PGS1: variants seen among roughly 807,000 people sequenced by gnomAD.
PGS1 encodes the protein phosphatidylglycerophosphate synthase 1.
Under a neutral mutation model 58.3 loss-of-function variants are expected in PGS1, and 44 were observed. That is an observed-to-expected ratio of 0.75 (90% CI 0.59 to 0.97). The LOEUF is 0.97. Ranked by LOEUF, PGS1 falls within the 50% of genes least tolerant of loss-of-function variation. The pLI, the probability that PGS1 is intolerant of heterozygous loss-of-function variation, is 0.00. For synonymous variants in PGS1, 330 were observed against 311.0 expected, an observed-to-expected ratio of 1.06 and a Z score of -0.64; for missense variants, 684 against 731.1, an observed-to-expected ratio of 0.94 and a Z score of 0.74.
intron 1 of PGS1, among the ~76,000 whole-genome samples, chr17:78,387,888 G>A (rs530990986): frequency 5.6e-4 from 86 of 152,258 alleles, no homozygotes; most frequent in Non-Finnish European, 1.3e-4. Flanking sequence ...ACATGCTACC[G>A]TGCCTGGCCA....
intron 1 of PGS1, among the ~76,000 whole-genome samples, chr17:78,387,291 A>G (rs111956193): frequency 0.011 from 1,665 of 149,854 alleles, 5 homozygotes; most frequent in Non-Finnish European, 0.016. Context: ...GGTGAGAGCC[A>G]CTGCGCCCAG....
At chr17:78,422,156 G>C (rs1045486461) in intron 9 of PGS1, among the ~76,000 whole-genome samples, 2 of 152,264 alleles carry the variant, frequency 1.3e-5, no homozygotes, top group African/African-American at 2.4e-5. Context: ...TGAGTTGCCC[G>C]GTGGCCCCTG....
At chr17:78,403,024 T>C (rs1317507140) in intron 6 of PGS1, among the ~76,000 whole-genome samples, 1 of 152,218 alleles carries the variant, frequency 6.6e-6, no homozygotes, top group Non-Finnish European at 1.5e-5. Context: ...TCCCACATGG[T>C]GATGTGCTTA....
At chr17:78,408,413 G>A (rs1328688440) in intron 7 of PGS1, among the ~76,000 whole-genome samples, 1 of 152,186 alleles carries the variant, frequency 6.6e-6, no homozygotes, top group African/African-American at 2.4e-5. Context: ...CTGTGCAGTC[G>A]GGGGGATGGC....
chr17:78,400,985 T>A lies in PGS1; in HGVS notation c.880+130T>A. The A allele has an allele frequency of 1.3e-6, 1 of 758,824 alleles. No homozygotes were observed. The highest frequency in any genetic ancestry group is 2.1e-6 in the Non-Finnish European group (1 of 479,628). The allele number at this position is 758,824 out of a possible 1,614,324, so 47.0% of individuals were successfully genotyped here. A position where few individuals can be genotyped will look rare whatever the true frequency, so the allele number is the denominator to read the frequency against. ...GTGGCAAGGCTTCATTCTGCTTTTG[T>A]CCTTGAAGCCAGACAGATGTGACTC... On this transcript the variant is annotated intron_variant, in intron 6 of 9. Coordinates refer to ENST00000262764, the MANE Select transcript of PGS1 (RefSeq NM_024419.5). This position sits in a 1 kb window ranked among gnomAD's most constrained non-coding sequence, Gnocchi z 4.4.
chr17:78,405,941 C>T (rs1225949564), intron 7 of PGS1, among the ~76,000 whole-genome samples: 2 of 152,214 alleles, frequency 1.3e-5, no homozygotes, highest in South Asian at 2.1e-4. Flanking sequence ...AGACTCGAGG[C>T]ATCTTCCGGT....
Position 78,378,686 on chromosome 17 carries a change from T to A in PGS1, c.21T>A (p.Ala7=). Residue 7 remains alanine, a synonymous_variant, in exon 1 of 10, where the codon GCT becomes GCA. Coordinates refer to ENST00000262764, the MANE Select transcript of PGS1 (RefSeq NM_024419.5). MAVAAA[A]AAGPVFWRRL... is the part of the protein sequence containing the mutation. ...TCTCCATGGCGGTGGCGGCGGCAGC[T>A]GCGGCGGGACCCGTGTTCTGGAGGC... 1.3e-6 allele frequency: 2 copies of A among 1,527,204 alleles called. No homozygotes were observed. The highest frequency in any genetic ancestry group is 1.7e-6 in the Non-Finnish European group (2 of 1,143,990). 94.6% of individuals were successfully genotyped at this position (1,527,204 alleles called of 1,614,324 possible). A position where few individuals can be genotyped will look rare whatever the true frequency, so the allele number is the denominator to read the frequency against.
Position 78,404,100 on chromosome 17 carries a change from G to A in PGS1, c.1402+11G>A, listed in dbSNP as rs1257799262. 6.6e-7 allele frequency: 1 copy of A among 1,515,382 alleles called. No homozygotes were observed. The allele number at this position is 1,515,382 out of a possible 1,614,324, so 93.9% of individuals were successfully genotyped here. A position where few individuals can be genotyped will look rare whatever the true frequency, so the allele number is the denominator to read the frequency against. Reference sequence around the variant, plus strand: ...CGTTCCACGCCAAAGGTGCGCAGCGGCTGGCTGGAGGACGTTCCAGTGTGG... The same window carrying A: ...CGTTCCACGCCAAAGGTGCGCAGCGACTGGCTGGAGGACGTTCCAGTGTGG... On this transcript the variant is annotated intron_variant, in intron 7 of 9. Transcript: ENST00000262764.
chr17:78,416,122 G>C (rs1387031753), intron 8 of PGS1, among the ~76,000 whole-genome samples: 2 of 152,192 alleles, frequency 1.3e-5, no homozygotes, highest in Non-Finnish European at 2.9e-5. Flanking sequence ...TTGGTGCCAG[G>C]AAAGGCTTCA....
At chr17:78,397,593 C>CCCCT (rs769290422) in intron 3 of PGS1, among the ~76,000 whole-genome samples, 12 of 130,544 alleles carry the variant, frequency 9.2e-5, no homozygotes, top group African/African-American at 2.8e-4. Context: ...TGCGCCACCC[C>CCCCT]CCCAGCTAAT....
intron 7 of PGS1, among the ~76,000 whole-genome samples, chr17:78,413,230 G>C (rs981635057): frequency 6.6e-6 from 1 of 152,242 alleles, no homozygotes; most frequent in Non-Finnish European, 1.5e-5. Flanking sequence ...TCTTACCCAA[G>C]ATGTTCTTGG....
At chr17:78,383,009 G>T (rs763912771) in intron 1 of PGS1, among the ~76,000 whole-genome samples, 1 of 152,150 alleles carries the variant, frequency 6.6e-6, no homozygotes, top group Non-Finnish European at 1.5e-5. Context: ...GAAGGCATTA[G>T]TTCCTAATCT....
intron 1 of PGS1, among the ~76,000 whole-genome samples, chr17:78,383,005 A>G (rs1427240942): frequency 2.0e-5 from 3 of 152,208 alleles, no homozygotes; most frequent in Non-Finnish European, 4.4e-5. Flanking sequence ...TCATGAAGGC[A>G]TTAGTTCCTA....
chr17:78,390,516 C>T (rs138529392), intron 1 of PGS1, among the ~76,000 whole-genome samples: 4 of 152,156 alleles, frequency 2.6e-5, no homozygotes, highest in Non-Finnish European at 5.9e-5. Flanking sequence ...GGGACATTTA[C>T]GAAGCCTGGG....
chr17:78,419,755 A>G (rs2085525622), intron 9 of PGS1, 80 bp downstream of exon 9: 1 of 1,585,332 alleles, frequency 6.3e-7, no homozygotes, highest in Non-Finnish European at 8.6e-7. Flanking sequence ...TGACTCAACC[A>G]GAGCTTCCAG....
chr17:78,401,397 C>T (rs924391008), intron 6 of PGS1, among the ~76,000 whole-genome samples: 2 of 152,208 alleles, frequency 1.3e-5, no homozygotes, highest in African/African-American at 4.8e-5. Context: ...AGCTCTGTGG[C>T]CCCCTGCCTG....
chr17:78,385,057 G>A (rs1277447194), intron 1 of PGS1, among the ~76,000 whole-genome samples: 1 of 152,226 alleles, frequency 6.6e-6, no homozygotes, highest in Non-Finnish European at 1.5e-5. Context: ...GCTGCAGAAC[G>A]GTGAAGTGGA....
intron 1 of PGS1, among the ~76,000 whole-genome samples, chr17:78,381,494 C>T (rs996330318): frequency 2.0e-5 from 3 of 152,064 alleles, no homozygotes; most frequent in Admixed American, 6.6e-5. Context: ...CCTTGGTGTT[C>T]GAGTTATTCA....
chr17:78,403,733 C>T lies in PGS1; in HGVS notation c.1046C>T (p.Thr349Ile), dbSNP rs763633480. The change falls in exon 7 of 10, where the codon ACC becomes ATC. Residue 349 changes from threonine (T) to isoleucine (I), a missense_variant. Coordinates refer to ENST00000262764, the MANE Select transcript of PGS1 (RefSeq NM_024419.5). ...GGGGATCGCAGACCAGCCCCTGACA[C>T]CTGGATTTATCCGCTGATTCAGATG... ...AAGDRRPAPDTWIYPLIQMKP... is the reference protein window; with the variant it reads ...AAGDRRPAPDIWIYPLIQMKP... The T allele has an allele frequency of 6.2e-7, 1 of 1,614,240 alleles. No individual in the cohort carries two copies. Among genetic ancestry groups the T allele is most frequent in the Non-Finnish European group, 8.5e-7 (1 of 1,180,050 alleles).
Sources: allele counts gnomAD v4.1 joint callset (sites outside exome capture counted in the v4.1 genomes callset), GRCh38; gene constraint gnomAD v4.1.1; non-coding constraint Gnocchi (gnomAD v3.1); transcripts MANE v1.5; gene names NCBI Gene and HGNC (gene_info 2026-07-23, HGNC 2026-07-21).